ATXN2: variants seen among roughly 807,000 people sequenced by gnomAD.
The protein encoded by ATXN2 is ataxin 2.
Under a neutral mutation model 138.6 loss-of-function variants are expected in ATXN2, and 37 were observed. That is an observed-to-expected ratio of 0.27 (90% confidence interval 0.21 to 0.35). The LOEUF is 0.35. Among genes scored for constraint, ATXN2 ranks in the 10% least tolerant of loss-of-function variants. The pLI, the probability that ATXN2 is intolerant of heterozygous loss-of-function variation, is 1.00. For synonymous variants in ATXN2, 549 were observed against 543.7 expected, an observed-to-expected ratio of 1.01 and a Z score of -0.13; for missense variants, 1,216 against 1,480.3, an observed-to-expected ratio of 0.82 and a Z score of 2.93.
chr12:111,587,051 A>G (rs914549089), intron 1 of ATXN2, among the ~76,000 whole-genome samples: 6 of 147,960 alleles, frequency 4.1e-5, no homozygotes, highest in South Asian at 2.2e-4. Context: ...CCTGGGCAAC[A>G]TAACAAGACC....
intron 1 of ATXN2, among the ~76,000 whole-genome samples, chr12:111,589,710 T>G (rs1186484658): frequency 1.3e-5 from 2 of 151,700 alleles, no homozygotes; most frequent in African/African-American, 4.8e-5. Context: ...AGGCAGAGGT[T>G]GCACTGAGCC....
chr12:111,474,632 A>T lies in ATXN2; in HGVS notation c.2525-3890T>A, dbSNP rs76335050. Among the ~76,000 whole-genome samples, 889 of 152,210 alleles carry T rather than the reference A, an allele frequency of 5.8e-3. 10 individuals are homozygous for T. The highest frequency in any genetic ancestry group is 0.02 in the African/African-American group (822 of 41,524). On this transcript the variant is annotated intron_variant, in intron 18 of 24. Transcript: ENST00000673436. Reference sequence around the variant, plus strand: ...AAAACAAAAAACAAAACCAAAACCAACTTAAAGATACACACTAAAATGTTG... The same window carrying T: ...AAAACAAAAAACAAAACCAAAACCATCTTAAAGATACACACTAAAATGTTG...
chr12:111,581,514 TC>T, intron 1 of ATXN2: 4 of 1,033,538 alleles, frequency 3.9e-6, no homozygotes, highest in Non-Finnish European at 6.1e-6. Context: ...TCCACCGTGA[TC>T]CCCATCCACA....
At chr12:111,500,275 C>T (rs986581604) in intron 14 of ATXN2, among the ~76,000 whole-genome samples, 3 of 152,152 alleles carry the variant, frequency 2.0e-5, no homozygotes, top group African/African-American at 4.8e-5. Flanking sequence ...GATTACCATT[C>T]AGCCATAAAA....
At chr12:111,506,757 C>T (rs1171751504) in intron 14 of ATXN2, among the ~76,000 whole-genome samples, 1 of 152,036 alleles carries the variant, frequency 6.6e-6, no homozygotes, top group African/African-American at 2.4e-5. Flanking sequence ...TCACTGCAAC[C>T]TCCCTGCCTG....
intron 20 of ATXN2, among the ~76,000 whole-genome samples, chr12:111,464,974 A>G (rs1233715927): frequency 1.3e-5 from 2 of 152,234 alleles, no homozygotes; most frequent in East Asian, 3.8e-4. Context: ...ATTATCTAAT[A>G]AAAACACCAA....
At chr12:111,549,271 T>TA (rs936874848) in intron 5 of ATXN2, among the ~76,000 whole-genome samples, 5 of 150,966 alleles carry the variant, frequency 3.3e-5, no homozygotes, top group Admixed American at 2.0e-4. Flanking sequence ...TAATAAAAAA[T>TA]AAAAAAAATC....
intron 18 of ATXN2, among the ~76,000 whole-genome samples, chr12:111,478,422 A>G (rs1300982724): frequency 1.3e-5 from 2 of 152,116 alleles, no homozygotes; most frequent in African/African-American, 2.4e-5. Flanking sequence ...AAATAAATAA[A>G]TAAAATGGAA....
At chr12:111,473,312 T>C (rs1358090721) in intron 18 of ATXN2, among the ~76,000 whole-genome samples, 2 of 151,706 alleles carry the variant, frequency 1.3e-5, no homozygotes, top group Non-Finnish European at 2.9e-5. Context: ...CAGAAGTTTA[T>C]ACTGATAGTA....
chr12:111,507,452 G>T (rs1039466131), intron 14 of ATXN2, among the ~76,000 whole-genome samples: 4 of 151,910 alleles, frequency 2.6e-5, no homozygotes, highest in African/African-American at 9.7e-5. Context: ...GGGAAGTGAG[G>T]AGCATCTCCA....
chr12:111,566,222 C>G (rs1011008987), intron 1 of ATXN2, among the ~76,000 whole-genome samples: 1 of 151,990 alleles, frequency 6.6e-6, no homozygotes, highest in African/African-American at 2.4e-5. Context: ...CACCTGAGAT[C>G]GGGAGTTCAA....
chr12:111,499,689 C>A (rs11065929), intron 14 of ATXN2, among the ~76,000 whole-genome samples: 15,100 of 145,442 alleles, frequency 0.1, 2,553 homozygotes, highest in African/African-American at 0.36. Flanking sequence ...CAAAACAAAA[C>A]AAAAAAAAAA....
intron 5 of ATXN2, among the ~76,000 whole-genome samples, chr12:111,526,561 C>T (rs917292304): frequency 4.6e-5 from 7 of 152,018 alleles, no homozygotes; most frequent in Admixed American, 2.0e-4. Flanking sequence ...CCCACCAACA[C>T]GCCCAGCTAA....
In ATXN2 at chr12:111,555,871, A is replaced by C; in HGVS notation, c.288+12T>G. 1 of 1,594,280 alleles carries C rather than the reference A, an allele frequency of 6.3e-7. No homozygotes were observed. The highest frequency in any genetic ancestry group is 8.5e-7 in the Non-Finnish European group (1 of 1,171,070). On this transcript the variant is annotated intron_variant, in intron 2 of 24. Coordinates refer to ENST00000673436, the MANE Select transcript of ATXN2 (RefSeq NM_001372574.1). ...CTAATTTTCCCCAATAAGTAACATT[A>C]AAGTTACTCACCGTAGACTGAGGCA... is the stretch of plus-strand genomic sequence containing the variant.
At chr12:111,542,299 C>T (rs549783331) in intron 5 of ATXN2, among the ~76,000 whole-genome samples, 6 of 152,002 alleles carry the variant, frequency 3.9e-5, no homozygotes, top group Admixed American at 3.3e-4. Context: ...ACCACCATCT[C>T]GGCTCATTGC....
chr12:111,477,181 A>G (rs969888232), intron 18 of ATXN2, among the ~76,000 whole-genome samples: 2 of 58,400 alleles, frequency 3.4e-5, no homozygotes, highest in Non-Finnish European at 2.7e-5. Context: ...TGTCTCTACT[A>G]AAAAAAAAAA....
chr12:111,529,548 C>G (rs1880697093), intron 5 of ATXN2, among the ~76,000 whole-genome samples: 1 of 152,236 alleles, frequency 6.6e-6, no homozygotes, highest in Non-Finnish European at 1.5e-5. Flanking sequence ...GCTACCCCCA[C>G]AGCAGTGGGC....
intron 5 of ATXN2, among the ~76,000 whole-genome samples, chr12:111,539,692 T>G (rs1278119514): frequency 6.7e-6 from 1 of 149,286 alleles, no homozygotes. Context: ...GAGCTTGCAG[T>G]GAGCCGAGAT....
chr12:111,453,567 T>C lies in ATXN2; in HGVS notation c.3439+110A>G. The C allele has an allele frequency of 1.4e-6, 2 of 1,448,438 alleles. No individual in the cohort carries two copies. Among genetic ancestry groups the C allele is most frequent in the Non-Finnish European group, 9.1e-7 (1 of 1,099,844 alleles). 89.7% of individuals were successfully genotyped at this position (1,448,438 alleles called of 1,614,324 possible). On this transcript the variant is annotated intron_variant, in intron 24 of 24. Transcript: ENST00000673436. This position sits in a 1 kb window ranked among gnomAD's most constrained non-coding sequence, Gnocchi z 5.4. ...TCCTGTGCACACTCCTGGACGGGTC[T>C]TGCTAGTTCTCAAATGCGGGGCTTG...
Sources: allele counts gnomAD v4.1 joint callset (sites outside exome capture counted in the v4.1 genomes callset), GRCh38; gene constraint gnomAD v4.1.1; non-coding constraint Gnocchi (gnomAD v3.1); transcripts MANE v1.5; gene names NCBI Gene and HGNC (gene_info 2026-07-23, HGNC 2026-07-21).